Variants in KLF12 observed in about 807,000 individuals in gnomAD.
KLF12 encodes Krueppel-like factor 12.
Under a neutral mutation model 37.8 loss-of-function variants are expected in KLF12, and 9 were observed. The ratio of observed to expected loss-of-function variants is 0.24; its 90% CI spans 0.14 to 0.42. KLF12 has a LOEUF of 0.42. KLF12 is among the 10% of genes least tolerant of loss of function. The pLI, the probability that KLF12 is intolerant of heterozygous loss-of-function variation, is 1.00. For synonymous variants in KLF12, 208 were observed against 202.1 expected (o/e 1.03, Z -0.25); for missense variants, 411 against 516.0 (o/e 0.80, Z 1.97).
the KLF12 span, among the ~76,000 whole-genome samples, chr13:74,172,678 C>A: frequency 6.6e-6 from 1 of 152,168 alleles, no homozygotes; most frequent in African/African-American, 2.4e-5. Context: ...CCACAGATTT[C>A]CCTTTGTGTT....
chr13:74,084,010 C>A (rs1285468906), intron 1 of KLF12, among the ~76,000 whole-genome samples: 1 of 152,088 alleles, frequency 6.6e-6, no homozygotes, highest in Non-Finnish European at 1.5e-5. Flanking sequence ...AGCAAGATTT[C>A]TTATAGCATA....
intron 3 of KLF12, among the ~76,000 whole-genome samples, chr13:73,917,976 T>C (rs144048991): frequency 6.6e-6 from 1 of 152,158 alleles, no homozygotes; most frequent in Non-Finnish European, 1.5e-5. Context: ...AAATGCTTAA[T>C]CTAGTTAAAA....
chr13:74,290,599 C>A, the KLF12 span, among the ~76,000 whole-genome samples: 1 of 152,214 alleles, frequency 6.6e-6, no homozygotes, highest in Non-Finnish European at 1.5e-5. Flanking sequence ...CTTATACCTG[C>A]CTCTTATTAT....
At chr13:73,715,591 T>C (rs1875741952) in intron 6 of KLF12, 66 bp from the exon 7 acceptor site, 1 of 1,501,332 alleles carries the variant, frequency 6.7e-7, no homozygotes, top group Non-Finnish European at 9.2e-7. Context: ...TCTGGTGGCA[T>C]GGGAACATTG....
At chr13:74,279,237 CTTTAA>C in the KLF12 span, among the ~76,000 whole-genome samples, 9 of 152,268 alleles carry the variant, frequency 5.9e-5, no homozygotes, top group East Asian at 1.7e-3. Context: ...CCACTGTGCA[CTTTAA>C]TTTAGTTGAT....
intron 6 of KLF12, among the ~76,000 whole-genome samples, chr13:73,746,150 A>G (rs1878356483): frequency 6.6e-6 from 1 of 152,106 alleles, no homozygotes; most frequent in South Asian, 2.1e-4. Flanking sequence ...GACTATATTA[A>G]TTCAATTATA....
chr13:73,913,196 G>T (rs915758841), intron 3 of KLF12, among the ~76,000 whole-genome samples: 1 of 152,118 alleles, frequency 6.6e-6, no homozygotes. Context: ...GACTACTTTT[G>T]TTTTGCATTT....
chr13:73,985,843 T>A (rs914342378), intron 2 of KLF12, among the ~76,000 whole-genome samples: 2 of 151,968 alleles, frequency 1.3e-5, no homozygotes, highest in African/African-American at 4.8e-5. Flanking sequence ...TCAAAAAAAT[T>A]CCCCCAGAAA....
chr13:73,882,128 T>C (rs1887012178), intron 3 of KLF12, among the ~76,000 whole-genome samples: 1 of 152,184 alleles, frequency 6.6e-6, no homozygotes, highest in Admixed American at 6.5e-5. Context: ...TAGAACAGCT[T>C]AGCTACTCTT....
At chr13:73,726,626 C>T (rs1368929432) in intron 6 of KLF12, among the ~76,000 whole-genome samples, 1 of 152,192 alleles carries the variant, frequency 6.6e-6, no homozygotes, top group East Asian at 1.9e-4. Flanking sequence ...ATTTTATAGT[C>T]AAATAATATT....
At chr13:73,889,052 C>T (rs980467949) in intron 3 of KLF12, among the ~76,000 whole-genome samples, 1 of 152,182 alleles carries the variant, frequency 6.6e-6, no homozygotes, top group Non-Finnish European at 1.5e-5. Context: ...TTTATGTAGA[C>T]TTGCCAACAT....
chr13:73,882,762 G>A (rs1887040011), intron 3 of KLF12, among the ~76,000 whole-genome samples: 2 of 152,042 alleles, frequency 1.3e-5, no homozygotes. Context: ...CATTACAAAA[G>A]AATTACGAAT....
chr13:73,686,748 C>T lies in KLF12; in HGVS notation c.*8742G>A, dbSNP rs2137498887. The stretch of plus-strand genomic sequence containing the variant: ...TCCATAAAGCAAATCAGATGCAGCC[C>T]ATCTATTCAATTTGCTGTTCAGAGG... On this transcript the variant is annotated 3_prime_UTR_variant, in exon 8 of 8. Coordinates refer to ENST00000377669, the MANE Select transcript of KLF12 (RefSeq NM_007249.5). 1 of 152,208 alleles carries T rather than the reference C, an allele frequency of 6.6e-6. No individual in the cohort carries two copies. Among genetic ancestry groups the T allele is most frequent in the Admixed American group, 6.5e-5 (1 of 15,282 alleles). 9.4% of individuals were successfully genotyped at this position (152,208 alleles called of 1,614,324 possible).
At chr13:74,020,209 C>T (rs995493464) in intron 1 of KLF12, among the ~76,000 whole-genome samples, 15 of 152,106 alleles carry the variant, frequency 9.9e-5, no homozygotes, top group African/African-American at 1.2e-4. Context: ...ACACAGTGCT[C>T]GTAAATGAAA....
the KLF12 span, among the ~76,000 whole-genome samples, chr13:74,297,396 T>C: frequency 6.6e-6 from 1 of 152,216 alleles, no homozygotes; most frequent in African/African-American, 2.4e-5. Context: ...ACCTTTAATA[T>C]GTCACTGTGT....
chr13:73,956,323 G>C (rs1008877851), intron 2 of KLF12, among the ~76,000 whole-genome samples: 2 of 152,194 alleles, frequency 1.3e-5, no homozygotes, highest in African/African-American at 4.8e-5. Context: ...GTTGCCAATA[G>C]AGAGAGTATA....
the KLF12 span, among the ~76,000 whole-genome samples, chr13:74,209,793 AATT>A: frequency 1.3e-5 from 2 of 152,178 alleles, no homozygotes; most frequent in African/African-American, 4.8e-5. Context: ...AGTGCCCAAT[AATT>A]ATTAACTATA....
chr13:73,826,749 A>T (rs1206103198), intron 4 of KLF12, among the ~76,000 whole-genome samples: 1 of 149,010 alleles, frequency 6.7e-6, no homozygotes, highest in African/African-American at 2.5e-5. Flanking sequence ...AATGGCATAT[A>T]ACAATATCAT....
intron 6 of KLF12, among the ~76,000 whole-genome samples, chr13:73,760,608 C>T (rs1879487575): frequency 6.6e-6 from 1 of 152,172 alleles, no homozygotes; most frequent in South Asian, 2.1e-4. Context: ...CAGGTGTGAG[C>T]CACCACATTT....
Sources: allele counts gnomAD v4.1 joint callset (sites outside exome capture counted in the v4.1 genomes callset), GRCh38; gene constraint gnomAD v4.1.1; transcripts MANE v1.5; gene names NCBI Gene and HGNC (gene_info 2026-07-23, HGNC 2026-07-21).